FBXW10: variants seen among roughly 807,000 people sequenced by gnomAD.
FBXW10 encodes F-box/WD repeat-containing protein 10.
In FBXW10, 68 loss-of-function variants were observed where a neutral mutation model predicts 113.1. The observed-to-expected ratio is 0.60, with a 90% CI of 0.49 to 0.74. The LOEUF is 0.74. Ranked by LOEUF, FBXW10 falls within the 30% of genes least tolerant of loss-of-function variation. The pLI is 0.00. For missense variants in FBXW10, 753 were observed against 1,284.5 expected (o/e 0.59, Z 6.32); for synonymous variants, 289 against 481.6 (o/e 0.60, Z 5.24).
chr17:18,747,788 T>C (rs1462139075), intron 1 of FBXW10, among the ~76,000 whole-genome samples, 153 bp from the exon 2 acceptor site: 3 of 151,854 alleles, frequency 2.0e-5, no homozygotes, highest in Admixed American at 2.0e-4. Context: ...GCATAGAAGT[T>C]TGGAGGCCCC....
intron 1 of FBXW10, among the ~76,000 whole-genome samples, chr17:18,745,563 G>C (rs188637289): frequency 0.012 from 1,817 of 151,814 alleles, 40 homozygotes; most frequent in African/African-American, 0.042. Flanking sequence ...CTACAGGTGC[G>C]TGCCACCATG....
At chr17:18,746,839 A>C (rs1290957269) in intron 1 of FBXW10, among the ~76,000 whole-genome samples, 1 of 152,070 alleles carries the variant, frequency 6.6e-6, no homozygotes, top group Non-Finnish European at 1.5e-5. Flanking sequence ...TGCTCTTCCA[A>C]AACTTCATCC....
At chr17:18,756,669 A>T (rs1165778995) in intron 6 of FBXW10, among the ~76,000 whole-genome samples, 1 of 152,050 alleles carries the variant, frequency 6.6e-6, no homozygotes, top group Non-Finnish European at 1.5e-5. Context: ...GCAAAGTACT[A>T]TAGATATCTT....
At chr17:18,745,161 C>G in intron 1 of FBXW10, 4 of 1,026,272 alleles carry the variant, frequency 3.9e-6, no homozygotes, top group Non-Finnish European at 4.7e-6. Context: ...TGCACAGAAA[C>G]CAGACCAAGA....
Position 18,754,567 on chromosome 17 carries a change from T to C in FBXW10, c.1123-1478T>C, listed in dbSNP as rs1474778283. ...GCTGTGTTCTTCTTTGCCTTCAAGATAAATATATTCTGCTTTTTCTTCCTG... is the reference window on the plus strand; with the variant it reads ...GCTGTGTTCTTCTTTGCCTTCAAGACAAATATATTCTGCTTTTTCTTCCTG... On this transcript the variant is annotated intron_variant, in intron 5 of 13. Coordinates refer to ENST00000395665, the MANE Select transcript of FBXW10 (RefSeq NM_001267585.2). Among the ~76,000 whole-genome samples, 3 of 150,510 alleles carry C rather than the reference T, an allele frequency of 2.0e-5. No homozygotes were observed. The Admixed American group carries it at 2.0e-4, about 10-fold the overall frequency.
intron 7 of FBXW10, among the ~76,000 whole-genome samples, chr17:18,761,512 G>A (rs1022643811): frequency 2.6e-5 from 4 of 152,118 alleles, no homozygotes; most frequent in Non-Finnish European, 4.4e-5. Context: ...TGATTCGCCC[G>A]CCTCGGCCTC....
chr17:18,773,824 G>A (rs1428284743), intron 12 of FBXW10, among the ~76,000 whole-genome samples: 1 of 152,152 alleles, frequency 6.6e-6, no homozygotes, highest in Non-Finnish European at 1.5e-5. Flanking sequence ...AAAGATTCAG[G>A]ATCTAGCTAA....
chr17:18,749,724 G>A lies in FBXW10; in HGVS notation c.673G>A (p.Glu225Lys). The part of the protein sequence containing the change: ...HLLGAASNPE[E>K]PWRNSLRCIS... Reference sequence around the variant, plus strand: ...ACCTTTCTCTGGCTTCACTCTAGAGGAACCATGGAGGAATTCACTCCGGTG... The same window carrying A: ...ACCTTTCTCTGGCTTCACTCTAGAGAAACCATGGAGGAATTCACTCCGGTG... The change falls in exon 3 of 14, where the codon GAA (glutamate) becomes AAA (lysine). Residue 225 changes from glutamate to lysine, a missense_variant and splice_region_variant. Transcript: ENST00000395665. 1 of 1,613,946 alleles carries A rather than the reference G, an allele frequency of 6.2e-7. No homozygotes were observed. The highest frequency in any genetic ancestry group is 8.5e-7 in the Non-Finnish European group (1 of 1,179,864).
At chr17:18,749,622 A>T (rs2035117463) in intron 2 of FBXW10, 100 bp from the exon 3 acceptor site, 1 of 1,514,662 alleles carries the variant, frequency 6.6e-7, no homozygotes, top group East Asian at 2.3e-5. Flanking sequence ...GAGTCTGAGG[A>T]GGTTTATTTT....
intron 10 of FBXW10, 29 bp from the exon 11 acceptor site, chr17:18,769,898 G>A: frequency 1.2e-6 from 2 of 1,611,396 alleles, no homozygotes; most frequent in Non-Finnish European, 1.7e-6. Flanking sequence ...GAGAGGATGG[G>A]TACTGCCTGC....
At chr17:18,759,500 A>T (rs1395778092) in intron 7 of FBXW10, among the ~76,000 whole-genome samples, 2 of 152,172 alleles carry the variant, frequency 1.3e-5, no homozygotes, top group Non-Finnish European at 2.9e-5. Context: ...CACCTATATG[A>T]TGCAGGTGGC....
chr17:18,772,432 G>A lies in FBXW10; in HGVS notation c.2027G>A (p.Ser676Asn), dbSNP rs2035632653. The A allele has an allele frequency of 6.2e-7, 1 of 1,613,972 alleles. No homozygotes were observed. The highest frequency in any genetic ancestry group is 8.5e-7 in the Non-Finnish European group (1 of 1,179,950). ...TCCAGGATGGTGGTCAACACAGAGA[G>A]CAATGTTCTCATGTTCCAGTTTGAG... ...QGNRMVVNTE[S>N]NVLMFQFEHI... Residue 676 changes from serine (S) to asparagine (N), a missense_variant, in exon 12 of 14, where the codon AGC becomes AAC. Transcript: ENST00000395665.
chr17:18,772,318 T>C (rs2035630203), intron 11 of FBXW10, 94 bp from the exon 12 acceptor site: 1 of 1,228,264 alleles, frequency 8.1e-7, no homozygotes. Flanking sequence ...GCACTGTTCC[T>C]TTAGTCTAAA....
At chr17:18,752,113 C>G (rs1309352078) in intron 5 of FBXW10, among the ~76,000 whole-genome samples, 1 of 152,114 alleles carries the variant, frequency 6.6e-6, no homozygotes, top group Non-Finnish European at 1.5e-5. Flanking sequence ...CAGAAGCATC[C>G]AGAGAGAGCA....
At chr17:18,763,104 A>G (rs967627268) in intron 7 of FBXW10, among the ~76,000 whole-genome samples, 44 of 151,242 alleles carry the variant, frequency 2.9e-4, no homozygotes, top group Non-Finnish European at 3.2e-4. Context: ...CTACAAAGAC[A>G]TATTAATCGT....
At chr17:18,771,059 G>A (rs1200721292) in intron 11 of FBXW10, among the ~76,000 whole-genome samples, 2 of 151,492 alleles carry the variant, frequency 1.3e-5, no homozygotes, top group African/African-American at 4.9e-5. Context: ...AAAGAGGGCA[G>A]CCTGGTAATA....
intron 7 of FBXW10, among the ~76,000 whole-genome samples, chr17:18,759,200 A>T (rs909271069): frequency 4.6e-5 from 7 of 152,072 alleles, no homozygotes; most frequent in Admixed American, 3.9e-4. Context: ...ATTTTTAAAC[A>T]ATATAACAAA....
At chr17:18,777,650 TCTC>T (rs2035727606) in intron 13 of FBXW10, among the ~76,000 whole-genome samples, 2 of 151,610 alleles carry the variant, frequency 1.3e-5, no homozygotes, top group African/African-American at 4.8e-5. Flanking sequence ...TTCATGCCAT[TCTC>T]CTGCCTCAGC....
Position 18,744,088 on chromosome 17 carries a change from T to C in FBXW10, c.-157T>C, listed in dbSNP as rs1239409412. 2 of 1,137,932 alleles carry C rather than the reference T, an allele frequency of 1.8e-6. No individual in the cohort carries two copies. The highest frequency in any genetic ancestry group is 3.1e-5 in the African/African-American group (2 of 65,376). The allele number at this position is 1,137,932 out of a possible 1,614,324, so 70.5% of individuals were successfully genotyped here. A position where few individuals can be genotyped will look rare whatever the true frequency, so the allele number is the denominator to read the frequency against. ...CTGGCAGTTACTGAGAGAGATAGGCTTTCCATCCATGGCAGCCATTTACTT... is the reference window on the plus strand; with the variant it reads ...CTGGCAGTTACTGAGAGAGATAGGCCTTCCATCCATGGCAGCCATTTACTT... On this transcript the variant is annotated 5_prime_UTR_variant, in exon 1 of 14. Transcript: ENST00000395665.
Sources: allele counts gnomAD v4.1 joint callset (sites outside exome capture counted in the v4.1 genomes callset), GRCh38; gene constraint gnomAD v4.1.1; transcripts MANE v1.5; gene names NCBI Gene and HGNC (gene_info 2026-07-23, HGNC 2026-07-21).